Variants in PAPSS2 observed in about 807,000 individuals in gnomAD.
PAPSS2 encodes bifunctional 3'-phosphoadenosine 5'-phosphosulfate synthase 2.
PAPSS2 carries 61 observed loss-of-function variants against 66.5 expected under a neutral mutation model. The observed-to-expected ratio is 0.92, with a 90% CI of 0.75 to 1.14. The LOEUF is 1.14. Ranked by LOEUF, PAPSS2 falls within the 50% of genes most tolerant of loss-of-function variation. PAPSS2 has a pLI of 0.00. For synonymous variants in PAPSS2, 289 were observed against 287.5 expected (o/e 1.01, Z -0.05); for missense variants, 708 against 789.6 (o/e 0.90, Z 1.24).
chr10:87,680,619 G>C (rs1853007989), intron 1 of PAPSS2, among the ~76,000 whole-genome samples: 1 of 152,054 alleles, frequency 6.6e-6, no homozygotes, highest in Non-Finnish European at 1.5e-5. Flanking sequence ...AGTCCATACA[G>C]AAAAATATAT....
intron 1 of PAPSS2, among the ~76,000 whole-genome samples, chr10:87,677,583 C>T (rs1852964725): frequency 1.3e-5 from 2 of 152,136 alleles, no homozygotes; most frequent in African/African-American, 2.4e-5. Context: ...AGCCCTGTAA[C>T]CAGCTCCGTG....
intron 1 of PAPSS2, among the ~76,000 whole-genome samples, chr10:87,670,607 C>T (rs1293190904): frequency 2.0e-5 from 3 of 151,804 alleles, no homozygotes; most frequent in Non-Finnish European, 4.4e-5. Context: ...CACACTCATG[C>T]TGAGGAGAGC....
chr10:87,666,617 G>A (rs1251284594), intron 1 of PAPSS2, among the ~76,000 whole-genome samples: 2 of 151,880 alleles, frequency 1.3e-5, no homozygotes, highest in Non-Finnish European at 2.9e-5. Flanking sequence ...CCAATCCTTA[G>A]TGTTGGTCCA....
At chr10:87,696,085 G>C (rs1187083990) in intron 1 of PAPSS2, among the ~76,000 whole-genome samples, 2 of 152,124 alleles carry the variant, frequency 1.3e-5, no homozygotes, top group Non-Finnish European at 2.9e-5. Flanking sequence ...CTGAGGTCCT[G>C]GGGAATAGCT....
At chr10:87,743,170 C>G (rs545200606) in intron 10 of PAPSS2, among the ~76,000 whole-genome samples, 1 of 150,820 alleles carries the variant, frequency 6.6e-6, no homozygotes, top group East Asian at 2.0e-4. Context: ...CGCTTGAATC[C>G]TGGAGGCGGA....
rs373318487 is a variant in PAPSS2, at chr10:87,701,430, C to CTCTCTCTT, written c.28-7763_28-7762insCTCTTTCT. Among the ~76,000 whole-genome samples, 315 of 73,112 alleles carry CTCTCTCTT rather than the reference C, an allele frequency of 4.3e-3. 58 individuals are homozygous for CTCTCTCTT. Among genetic ancestry groups the CTCTCTCTT allele is most frequent in the African/African-American group, 0.021 (258 of 12,242 alleles). 48.0% of individuals were successfully genotyped at this position (73,112 alleles called of 152,430 possible). ...TCTCTCTCTCTCTCTCTCTCTCTCT[C>CTCTCTCTT]TCTTTCTTTCAGACAAGGTCTCACT... is the stretch of plus-strand genomic sequence containing the variant. On this transcript the variant is annotated intron_variant, in intron 1 of 12. Coordinates refer to ENST00000456849, the MANE Select transcript of PAPSS2 (RefSeq NM_001015880.2).
chr10:87,705,054 G>A (rs1230351417), intron 1 of PAPSS2, among the ~76,000 whole-genome samples: 2 of 152,172 alleles, frequency 1.3e-5, no homozygotes, highest in South Asian at 2.1e-4. Context: ...ATGTATACAC[G>A]TGAGTGCCTC....
chr10:87,719,917 G>T (rs920603425), intron 7 of PAPSS2, among the ~76,000 whole-genome samples: 1 of 151,654 alleles, frequency 6.6e-6, no homozygotes, highest in Non-Finnish European at 1.5e-5. Context: ...ACAGAGTCTC[G>T]CTCTGTTGCC....
intron 1 of PAPSS2, among the ~76,000 whole-genome samples, chr10:87,683,338 C>T (rs1853048110): frequency 6.6e-6 from 1 of 151,320 alleles, no homozygotes; most frequent in South Asian, 2.1e-4. Context: ...GGTGATCCAC[C>T]CACCTCAGGT....
chr10:87,735,606 C>T (rs776283959), intron 9 of PAPSS2, among the ~76,000 whole-genome samples: 2 of 152,112 alleles, frequency 1.3e-5, no homozygotes, highest in Non-Finnish European at 2.9e-5. Flanking sequence ...AAAACACAAC[C>T]GAAAACCTTG....
intron 9 of PAPSS2, 68 bp downstream of exon 9, chr10:87,727,557 T>C (rs1853676071): frequency 7.6e-7 from 1 of 1,311,860 alleles, no homozygotes; most frequent in African/African-American, 1.5e-5. Flanking sequence ...TAACTCTTTT[T>C]AATTCCTTTG....
At chr10:87,706,224 G>T (rs72811971) in intron 1 of PAPSS2, among the ~76,000 whole-genome samples, 19,180 of 147,502 alleles carry the variant, frequency 0.13, 1,591 homozygotes, top group East Asian at 0.21. Flanking sequence ...TGATGCCAGG[G>T]ATTCTTCTTT....
intron 1 of PAPSS2, chr10:87,704,149 G>C: frequency 2.4e-6 from 1 of 412,012 alleles, no homozygotes; most frequent in South Asian, 1.8e-5. Context: ...AAATAAATAG[G>C]AATAAAATAT....
chr10:87,714,230 C>T, intron 4 of PAPSS2, 48 bp downstream of exon 4: 1 of 1,591,712 alleles, frequency 6.3e-7, no homozygotes. Flanking sequence ...GGCTGTCAGT[C>T]CTCAGTCCTT....
chr10:87,675,971 C>CTTTTTTT (rs5786787), intron 1 of PAPSS2, among the ~76,000 whole-genome samples: 1 of 127,960 alleles, frequency 7.8e-6, no homozygotes, highest in Non-Finnish European at 1.6e-5. Flanking sequence ...TTCCACATTT[C>CTTTTTTT]TTTTTTTTTT....
intron 7 of PAPSS2, among the ~76,000 whole-genome samples, chr10:87,719,192 GT>G (rs1180047875): frequency 1.3e-5 from 2 of 152,192 alleles, no homozygotes; most frequent in Non-Finnish European, 2.9e-5. Flanking sequence ...CGTATGTTAA[GT>G]TACTTTGGGT....
At chr10:87,734,654 AAT>A (rs1491249296) in intron 9 of PAPSS2, among the ~76,000 whole-genome samples, 9 of 92,032 alleles carry the variant, frequency 9.8e-5, no homozygotes, top group African/African-American at 4.1e-4. Flanking sequence ...CACAGAAATG[AAT>A]GTGTGTGTAT....
intron 1 of PAPSS2, chr10:87,661,199 C>T (rs1852748438): frequency 2.7e-6 from 1 of 372,594 alleles, no homozygotes; most frequent in Non-Finnish European, 5.3e-6. Context: ...AGGGGCCATG[C>T]AGGGCTAGAA....
intron 1 of PAPSS2, among the ~76,000 whole-genome samples, chr10:87,706,706 G>T (rs1280458612): frequency 2.0e-5 from 3 of 152,040 alleles, no homozygotes; most frequent in East Asian, 1.9e-4. Context: ...CTGCAGTGAG[G>T]CCTGATTGAA....
Sources: gnomAD v4.1 joint callset for allele counts (sites outside exome capture counted in the v4.1 genomes callset) on GRCh38, gnomAD v4.1.1 for gene constraint, MANE v1.5 for transcripts, NCBI Gene and HGNC (gene_info 2026-07-23, HGNC 2026-07-21) for gene names.